The following DOCK11 variants were observed in gnomAD, a reference collection of about 807,000 sequenced individuals.
The protein encoded by DOCK11 is dedicator of cytokinesis protein 11.
In DOCK11, 70 loss-of-function variants were observed where a neutral mutation model predicts 169.1. The observed-to-expected ratio is 0.41, with a 90% CI of 0.34 to 0.51. The LOEUF is 0.51. Ranked by LOEUF, DOCK11 falls within the 20% of genes least tolerant of loss-of-function variation. The pLI is 0.10. For missense variants in DOCK11, 1,166 were observed against 1,538.8 expected (o/e 0.76, Z 4.05); for synonymous variants, 529 against 541.3 (o/e 0.98, Z 0.32).
rs1301407543 is a variant in DOCK11, at chrX:118,593,211, C to G, written c.2140-3C>G. ...TCCATGTGTAATTTTGCTTTCATTT[C>G]AGATTAAAATTGAGCTTCCCATTCA... is the stretch of plus-strand genomic sequence containing the variant. On this transcript the variant is annotated splice_polypyrimidine_tract_variant and splice_region_variant and intron_variant, in intron 19 of 52. Coordinates refer to ENST00000276202, the MANE Select transcript of DOCK11 (RefSeq NM_144658.4). The G allele has an allele frequency of 5.0e-6, 6 of 1,191,870 alleles. No individual in the cohort carries two copies. Among genetic ancestry groups the G allele is most frequent in the Non-Finnish European group, 6.8e-6 (6 of 887,223 alleles).
At chrX:118,633,936 G>T (rs1345941016) in intron 35 of DOCK11, 1 of 112,641 alleles carries the variant, frequency 8.9e-6, no homozygotes, top group African/African-American at 3.2e-5. Context: ...AAAAGATTTT[G>T]TTGTTGGATT....
intron 46 of DOCK11, among the ~76,000 whole-genome samples, chrX:118,672,432 T>G: frequency 8.9e-6 from 1 of 112,457 alleles, no homozygotes; most frequent in Admixed American, 9.4e-5. Flanking sequence ...GTTTTTTATT[T>G]TATTTATTTA....
chrX:118,653,346 C>A (rs991617614), intron 42 of DOCK11, among the ~76,000 whole-genome samples: 17 of 111,508 alleles, frequency 1.5e-4, no homozygotes, highest in Admixed American at 1.2e-3. Flanking sequence ...TAGAAAGGAA[C>A]TTTATGTATA....
intron 1 of DOCK11, among the ~76,000 whole-genome samples, chrX:118,503,566 T>C (rs748255896): frequency 1.1e-3 from 121 of 111,188 alleles, no homozygotes; most frequent in Non-Finnish European, 1.7e-3. Context: ...AGTTTGTTGA[T>C]AGGGGAAGGG....
At chrX:118,538,847 G>C (rs2147340738) in intron 1 of DOCK11, 1 of 147,344 alleles carries the variant, frequency 6.8e-6, no homozygotes, top group East Asian at 2.6e-4. Flanking sequence ...TCTAATAATA[G>C]AATGAGAAAG....
intron 1 of DOCK11, among the ~76,000 whole-genome samples, chrX:118,514,679 T>C (rs1316522057): frequency 8.9e-6 from 1 of 111,980 alleles, no homozygotes; most frequent in Non-Finnish European, 1.9e-5. Context: ...TCACACTTTT[T>C]CAAACACATT....
At chrX:118,623,704 A>C (rs1290380549) in intron 31 of DOCK11, among the ~76,000 whole-genome samples, 1 of 113,171 alleles carries the variant, frequency 8.8e-6, no homozygotes, top group Admixed American at 9.3e-5. Context: ...GTAAATGCAA[A>C]CTAAAACAAT....
At chrX:118,548,185 C>T (rs559790522) in intron 6 of DOCK11, among the ~76,000 whole-genome samples, 1 of 112,606 alleles carries the variant, frequency 8.9e-6, no homozygotes, top group East Asian at 2.8e-4. Context: ...CAGAATAATT[C>T]GCCACAGATT....
chrX:118,629,311 A>G (rs768722157), intron 34 of DOCK11, among the ~76,000 whole-genome samples: 1 of 111,793 alleles, frequency 8.9e-6, no homozygotes, highest in South Asian at 3.7e-4. Context: ...GAGAGGTTGA[A>G]TGACTTGCTA....
At chrX:118,581,075 T>TC (rs2013617248) in intron 14 of DOCK11, among the ~76,000 whole-genome samples, 1 of 112,116 alleles carries the variant, frequency 8.9e-6, no homozygotes, top group Non-Finnish European at 1.9e-5. Flanking sequence ...TTCTTGTTTT[T>TC]CTCCCTTTTT....
intron 1 of DOCK11, among the ~76,000 whole-genome samples, chrX:118,538,418 G>A (rs1214314387): frequency 8.9e-6 from 1 of 112,447 alleles, no homozygotes. Context: ...ACCTTGAAAT[G>A]AATTAACAAA....
intron 48 of DOCK11, among the ~76,000 whole-genome samples, chrX:118,678,061 C>A: frequency 8.9e-6 from 1 of 112,288 alleles, no homozygotes. Context: ...ACATAATAAG[C>A]AGTTCTGGCT....
Position 118,614,743 on chromosome X carries a change from T to C in DOCK11, c.3148T>C (p.Tyr1050His). ...RGFIFNLIND[Y>H]ISGFSPKDPK... ...ATTTATTTTCAATTTAATAAATGAC[T>C]ATATATCTGGATTCAGCCCCAAAGA... The change falls in exon 29 of 53, where the codon TAT (tyrosine) becomes CAT (histidine). Residue 1050 changes from tyrosine (Y) to histidine (H), a missense_variant. Tyr to His is a moderately conservative substitution (Grantham distance 83, BLOSUM62 2). Transcript: ENST00000276202. The C allele has an allele frequency of 8.4e-7, 1 of 1,192,885 alleles. No individual in the cohort carries two copies. The highest frequency in any genetic ancestry group is 2.4e-4 in the Middle Eastern group (1 of 4,232).
At chrX:118,684,491 G>C (rs1462993019) in intron 52 of DOCK11, among the ~76,000 whole-genome samples, 6 of 108,292 alleles carry the variant, frequency 5.5e-5, no homozygotes, top group Non-Finnish European at 1.1e-4. Flanking sequence ...AGCCAGGATG[G>C]TGTCGATCTC....
intron 1 of DOCK11, among the ~76,000 whole-genome samples, chrX:118,524,642 A>T (rs924154204): frequency 9.0e-6 from 1 of 111,508 alleles, no homozygotes; most frequent in African/African-American, 3.3e-5. Flanking sequence ...ACTCAAAACC[A>T]TTAGTCATCA....
At chrX:118,610,186 T>C in intron 27 of DOCK11, 86 bp from the exon 28 acceptor site, 1 of 933,456 alleles carries the variant, frequency 1.1e-6, no homozygotes, top group Non-Finnish European at 1.5e-6. Flanking sequence ...GATATATTTA[T>C]TTGTAGAATG....
At position 118,686,071 on chromosome X, in the gene DOCK11, C is replaced by T; in HGVS notation, c.*264C>T. 4.1e-6 allele frequency: 1 copy of T among 246,011 alleles called. No homozygotes were observed. The highest frequency in any genetic ancestry group is 6.8e-5 in the East Asian group (1 of 14,630). The allele number at this position is 246,011 out of a possible 1,213,427, so 20.3% of individuals were successfully genotyped here. A position where few individuals can be genotyped will look rare whatever the true frequency, so the allele number is the denominator to read the frequency against. On this transcript the variant is annotated 3_prime_UTR_variant, in exon 53 of 53. Transcript: ENST00000276202. ...AGCTCAAAAACAGTAGTTCAATTTGCTTAATTATTGCTTAAAATAATGGTA... is the reference window on the plus strand; with the variant it reads ...AGCTCAAAAACAGTAGTTCAATTTGTTTAATTATTGCTTAAAATAATGGTA...
chrX:118,565,309 C>T (rs756673948), intron 7 of DOCK11, among the ~76,000 whole-genome samples: 2 of 111,687 alleles, frequency 1.8e-5, no homozygotes, highest in East Asian at 5.6e-4. Context: ...TAGTTTGATA[C>T]AAGTATACAA....
At chrX:118,611,137 A>G (rs1183007669) in intron 28 of DOCK11, among the ~76,000 whole-genome samples, 1 of 112,187 alleles carries the variant, frequency 8.9e-6, no homozygotes, top group East Asian at 2.8e-4. Context: ...AAATACAAAC[A>G]AATCTGTTCT....
Sources: gnomAD v4.1 joint callset for allele counts (sites outside exome capture counted in the v4.1 genomes callset) on GRCh38, gnomAD v4.1.1 for gene constraint, MANE v1.5 for transcripts, NCBI Gene and HGNC (gene_info 2026-07-23, HGNC 2026-07-21) for gene names.